STXBP6: variants seen among roughly 807,000 people sequenced by gnomAD.
STXBP6 encodes the protein syntaxin binding protein 6, also known as syntaxin-binding protein 6.
In STXBP6, 21 loss-of-function variants were observed where a neutral mutation model predicts 26.9. The observed-to-expected ratio is 0.78, with a 90% CI of 0.55 to 1.12. The LOEUF (loss-of-function observed/expected upper bound fraction) is 1.12, where lower values mean the gene tolerates loss of function less well. Among genes scored for constraint, STXBP6 ranks in the 50% most tolerant of loss-of-function variants. The pLI, the probability that STXBP6 is intolerant of heterozygous loss-of-function variation, is 0.00. For missense variants in STXBP6, 232 were observed against 257.9 expected (o/e 0.90, Z 0.69); for synonymous variants, 97 against 92.6 (o/e 1.05, Z -0.27).
chr14:25,004,776 C>T (rs1222762530), intron 1 of STXBP6, among the ~76,000 whole-genome samples: 1 of 152,160 alleles, frequency 6.6e-6, no homozygotes, highest in East Asian at 1.9e-4. Context: ...GGTCAGTTCA[C>T]ATTCCCTAGA....
At chr14:24,959,070 T>C (rs2073438390) in intron 2 of STXBP6, among the ~76,000 whole-genome samples, 2 of 152,212 alleles carry the variant, frequency 1.3e-5, no homozygotes. Flanking sequence ...GATCAATAAA[T>C]GTTCTCAGTG....
intron 2 of STXBP6, among the ~76,000 whole-genome samples, chr14:24,857,422 C>G (rs1406414755): frequency 6.6e-6 from 1 of 152,034 alleles, no homozygotes; most frequent in Non-Finnish European, 1.5e-5. Context: ...TTTATCCATT[C>G]AAACTGAAAA....
chr14:24,818,343 T>G (rs1235624842), intron 5 of STXBP6, among the ~76,000 whole-genome samples: 1 of 152,122 alleles, frequency 6.6e-6, no homozygotes, highest in Non-Finnish European at 1.5e-5. Context: ...ACTGCCCCTT[T>G]CCCTTCTAAA....
At chr14:24,818,880 G>A (rs183111218) in intron 5 of STXBP6, among the ~76,000 whole-genome samples, 157 bp downstream of exon 5, 23 of 152,282 alleles carry the variant, frequency 1.5e-4, no homozygotes, top group Admixed American at 4.6e-4. Flanking sequence ...AATTTTCCAC[G>A]ACTCAGGTGT....
intron 1 of STXBP6, among the ~76,000 whole-genome samples, chr14:25,020,326 T>C (rs904748767): frequency 1.4e-4 from 21 of 152,206 alleles, no homozygotes; most frequent in Non-Finnish European, 2.6e-4. Context: ...TGATAAAATA[T>C]CACTCCTAGT....
intron 2 of STXBP6, among the ~76,000 whole-genome samples, chr14:24,956,951 G>A (rs2073363810): frequency 6.6e-6 from 1 of 152,106 alleles, no homozygotes; most frequent in Non-Finnish European, 1.5e-5. Context: ...AGGCTCCTAA[G>A]CTCCCTGAAG....
At chr14:24,864,363 G>T (rs1333864765) in intron 2 of STXBP6, among the ~76,000 whole-genome samples, 1 of 152,050 alleles carries the variant, frequency 6.6e-6, no homozygotes, top group African/African-American at 2.4e-5. Flanking sequence ...GTCATACGTG[G>T]TAGAAATTCA....
rs188607381 is a variant in STXBP6, at chr14:24,929,715, T to C, written c.154+44950A>G. Among the ~76,000 whole-genome samples, 613 of 152,340 alleles carry C rather than the reference T, an allele frequency of 4.0e-3. 1 individual carries two copies. The highest frequency in any genetic ancestry group is 6.7e-3 in the Non-Finnish European group (459 of 68,030). On this transcript the variant is annotated intron_variant, in intron 2 of 5. Coordinates refer to ENST00000323944, the MANE Select transcript of STXBP6 (RefSeq NM_001394410.1). ...CTGCACCAGCTTTAAATGGCCTAAG[T>C]AGTGAAATAATGTTCTACGAAAGAT...
At chr14:24,939,948 C>G (rs1448178486) in intron 2 of STXBP6, among the ~76,000 whole-genome samples, 1 of 152,144 alleles carries the variant, frequency 6.6e-6, no homozygotes, top group Non-Finnish European at 1.5e-5. Context: ...CAAACTGAGT[C>G]CCAGTCCATA....
At chr14:25,032,969 C>A (rs965102421) in intron 1 of STXBP6, among the ~76,000 whole-genome samples, 4 of 152,202 alleles carry the variant, frequency 2.6e-5, no homozygotes. Flanking sequence ...CCCAGCCACA[C>A]TCATTGGTAC....
chr14:24,988,701 T>C (rs532212272), intron 1 of STXBP6, among the ~76,000 whole-genome samples: 29 of 152,332 alleles, frequency 1.9e-4, no homozygotes, highest in African/African-American at 7.0e-4. Context: ...CCTGAATTGC[T>C]TCAGCCGACG....
At chr14:25,040,418 TAGAC>T (rs1016805578) in intron 1 of STXBP6, among the ~76,000 whole-genome samples, 5 of 152,140 alleles carry the variant, frequency 3.3e-5, no homozygotes, top group African/African-American at 1.2e-4. Context: ...TGCAGGACCT[TAGAC>T]AGAAGTCACT....
intron 2 of STXBP6, among the ~76,000 whole-genome samples, chr14:24,943,845 A>T (rs966299386): frequency 1.3e-5 from 2 of 152,246 alleles, no homozygotes; most frequent in African/African-American, 2.4e-5. Context: ...AGTACCAAAG[A>T]ACTGAAATAA....
chr14:24,906,942 G>A (rs866715185), intron 2 of STXBP6, among the ~76,000 whole-genome samples: 1 of 151,996 alleles, frequency 6.6e-6, no homozygotes, highest in Non-Finnish European at 1.5e-5. Flanking sequence ...ACTATCATTC[G>A]TATGTGGGAA....
intron 4 of STXBP6, among the ~76,000 whole-genome samples, chr14:24,822,052 G>A (rs1025973125): frequency 2.2e-4 from 34 of 152,078 alleles, no homozygotes; most frequent in African/African-American, 8.0e-4. Context: ...CTTTCACTAG[G>A]TCATGCTGCT....
At chr14:24,921,495 T>G (rs1178161475) in intron 2 of STXBP6, among the ~76,000 whole-genome samples, 1 of 152,154 alleles carries the variant, frequency 6.6e-6, no homozygotes, top group Non-Finnish European at 1.5e-5. Context: ...TTTCTGGATA[T>G]CAAGAGATGT....
chr14:24,961,611 G>A (rs11628502), intron 2 of STXBP6, among the ~76,000 whole-genome samples: 26,122 of 151,918 alleles, frequency 0.17, 2,381 homozygotes, highest in African/African-American at 0.22. Context: ...CATGGACATA[G>A]AGATGGAAAT....
At chr14:24,895,544 C>T (rs2070957217) in intron 2 of STXBP6, among the ~76,000 whole-genome samples, 1 of 152,184 alleles carries the variant, frequency 6.6e-6, no homozygotes, top group Admixed American at 6.5e-5. Flanking sequence ...GGGTAAGCTA[C>T]CCATATGCCA....
At chr14:24,902,416 C>T (rs532949782) in intron 2 of STXBP6, among the ~76,000 whole-genome samples, 10 of 152,236 alleles carry the variant, frequency 6.6e-5, no homozygotes, top group Admixed American at 1.3e-4. Flanking sequence ...TCCCCCACCT[C>T]GCTCTCCAAG....
Sources: allele counts gnomAD v4.1 joint callset (sites outside exome capture counted in the v4.1 genomes callset), GRCh38; gene constraint gnomAD v4.1.1; transcripts MANE v1.5; gene names NCBI Gene and HGNC (gene_info 2026-07-23, HGNC 2026-07-21).